Variants in THRB observed in about 807,000 individuals in gnomAD.
THRB encodes the protein thyroid hormone receptor beta, also known as nuclear receptor subfamily 1 group A member 2.
Under a neutral mutation model 47.8 loss-of-function variants are expected in THRB, and 12 were observed. That is an observed-to-expected ratio of 0.25 (90% CI 0.16 to 0.41). THRB has a LOEUF of 0.41. Among genes scored for constraint, THRB ranks in the 10% least tolerant of loss-of-function variants. The probability of loss-of-function intolerance (pLI) is 1.00; values close to 1 mark genes in which losing one functional copy is unlikely to be tolerated. For missense variants in THRB, 348 were observed against 589.2 expected, an observed-to-expected ratio of 0.59 and a Z score of 4.24; for synonymous variants, 218 against 212.2, an observed-to-expected ratio of 1.03 and a Z score of -0.24.
intron 4 of THRB, among the ~76,000 whole-genome samples, chr3:24,197,369 T>C (rs567676953): frequency 2.2e-4 from 34 of 152,338 alleles, no homozygotes; most frequent in African/African-American, 7.2e-4. Flanking sequence ...AGGTTCAAAT[T>C]CTGACTCTGC....
At chr3:24,461,635 T>G (rs1341212461) in intron 1 of THRB, among the ~76,000 whole-genome samples, 4 of 152,210 alleles carry the variant, frequency 2.6e-5, no homozygotes, top group African/African-American at 9.7e-5. Flanking sequence ...CTGATTTTAT[T>G]TGCATTAACT....
At chr3:24,458,409 T>C (rs1027019697) in intron 1 of THRB, 1 of 152,118 alleles carries the variant, frequency 6.6e-6, no homozygotes, top group Non-Finnish European at 1.5e-5. Context: ...TGGTCTGTAG[T>C]TTACATTCAG....
intron 5 of THRB, among the ~76,000 whole-genome samples, chr3:24,185,691 C>CTGAT (rs1281246932): frequency 1.3e-5 from 2 of 152,134 alleles, no homozygotes; most frequent in African/African-American, 2.4e-5. Flanking sequence ...AGGGAGGTCC[C>CTGAT]TGATTGACAT....
At chr3:24,360,805 A>G (rs1018562923) in intron 1 of THRB, among the ~76,000 whole-genome samples, 1 of 152,208 alleles carries the variant, frequency 6.6e-6, no homozygotes, top group African/African-American at 2.4e-5. Context: ...TATATTTTAT[A>G]TATCAGCTCT....
intron 1 of THRB, among the ~76,000 whole-genome samples, chr3:24,369,471 T>C (rs1003061478): frequency 1.3e-5 from 2 of 152,188 alleles, no homozygotes; most frequent in Non-Finnish European, 2.9e-5. Flanking sequence ...CAAGGAATTC[T>C]ACATTTTGGG....
chr3:24,442,905 G>A (rs1560198038), intron 1 of THRB, among the ~76,000 whole-genome samples: 1 of 151,330 alleles, frequency 6.6e-6, no homozygotes, highest in Non-Finnish European at 1.5e-5. Flanking sequence ...GTAAGGTGCT[G>A]GGCACGGTGG....
intron 1 of THRB, among the ~76,000 whole-genome samples, chr3:24,444,123 T>A (rs1488747436): frequency 6.6e-6 from 1 of 152,130 alleles, no homozygotes; most frequent in African/African-American, 2.4e-5. Flanking sequence ...GCTGTTAAAA[T>A]CAGAAACAAG....
intron 1 of THRB, among the ~76,000 whole-genome samples, chr3:24,441,065 T>G (rs1577587646): frequency 6.6e-6 from 1 of 152,278 alleles, no homozygotes; most frequent in East Asian, 1.9e-4. Context: ...GGAGTTCAGT[T>G]CTTTGCAATT....
chr3:24,195,248 T>A (rs2149663567), intron 4 of THRB, among the ~76,000 whole-genome samples: 1 of 152,312 alleles, frequency 6.6e-6, no homozygotes, highest in East Asian at 1.9e-4. Context: ...AGACACTTTA[T>A]CTTCACAAAC....
intron 5 of THRB, among the ~76,000 whole-genome samples, chr3:24,189,502 A>C (rs2149584423): frequency 6.7e-6 from 1 of 148,564 alleles, no homozygotes; most frequent in Non-Finnish European, 1.5e-5. Context: ...TGCAATCAGG[A>C]ACTTAGGCCA....
chr3:24,374,028 GGCT>G (rs1560046810), intron 1 of THRB, among the ~76,000 whole-genome samples: 3 of 151,986 alleles, frequency 2.0e-5, no homozygotes, highest in African/African-American at 7.2e-5. Flanking sequence ...TGATTCTGGG[GGCT>G]GCCCAATTCA....
rs1314384035 is a variant in THRB, at chr3:24,448,385, AC to A, written c.-261+46266del. 3.9e-5 allele frequency among the ~76,000 whole-genome samples: 6 copies of A among 152,366 alleles called. No individual in the cohort carries two copies. The East Asian group carries it at 1.2e-3, about 29-fold the overall frequency. ...GCTCAACTCTGAGAAAAGTAATGAT[AC>A]CAAAAGAGGTTAACCAGAATGAAAT... On this transcript the variant is annotated intron_variant, in intron 1 of 10. Coordinates refer to ENST00000646209, the MANE Select transcript of THRB (RefSeq NM_001354712.2).
chr3:24,174,192 T>G (rs1053736928), intron 5 of THRB, among the ~76,000 whole-genome samples: 2 of 152,098 alleles, frequency 1.3e-5, no homozygotes, highest in Non-Finnish European at 2.9e-5. Flanking sequence ...ATTTTTTTAA[T>G]AGATGAAAAA....
At position 24,428,909 on chromosome 3, in the gene THRB, C is replaced by T. The variant is rs1054051271; in HGVS notation, c.-261+65743G>A. 6.7e-6 allele frequency among the ~76,000 whole-genome samples: 1 copy of T among 148,590 alleles called. No individual in the cohort carries two copies. The highest frequency in any genetic ancestry group is 1.5e-5 in the Non-Finnish European group (1 of 67,330). On this transcript the variant is annotated intron_variant, in intron 1 of 10. Coordinates refer to ENST00000646209, the MANE Select transcript of THRB (RefSeq NM_001354712.2). ...AGCCAAAAAAAAAAAAAAGTAAGCA[C>T]ATATATATGTTTAAGTCTCTAGGCT... is the stretch of plus-strand genomic sequence containing the variant.
At chr3:24,260,344 C>A (rs1463242321) in intron 3 of THRB, among the ~76,000 whole-genome samples, 1 of 152,168 alleles carries the variant, frequency 6.6e-6, no homozygotes, top group Admixed American at 6.5e-5. Flanking sequence ...AGCCCCAAGA[C>A]TGTAGACATG....
chr3:24,188,878 T>C lies in THRB; in HGVS notation c.283+1196A>G, dbSNP rs180936305. On this transcript the variant is annotated intron_variant, in intron 5 of 10. Transcript: ENST00000646209. ...CCTCAAATATATATATATATATATATATATATGAGAGAAAGAGAGTCCAAA... is the reference window on the plus strand; with the variant it reads ...CCTCAAATATATATATATATATATACATATATGAGAGAAAGAGAGTCCAAA... Among the ~76,000 whole-genome samples the C allele has an allele frequency of 8.4e-5, 12 of 142,382 alleles. 1 individual carries two copies. The East Asian group carries it at 2.4e-3, about 29-fold the overall frequency. 93.4% of individuals were successfully genotyped at this position (142,382 alleles called of 152,430 possible).
intron 1 of THRB, among the ~76,000 whole-genome samples, chr3:24,419,947 T>C (rs985855368): frequency 1.3e-5 from 2 of 151,874 alleles, no homozygotes; most frequent in African/African-American, 4.8e-5. Flanking sequence ...ATAAGAGCAC[T>C]GAAGGCCCTG....
At chr3:24,128,347 A>G (rs1349608199) in intron 9 of THRB, among the ~76,000 whole-genome samples, 1 of 152,120 alleles carries the variant, frequency 6.6e-6, no homozygotes, top group Non-Finnish European at 1.5e-5. Context: ...CAGAGGGGAG[A>G]GCAGAATTCA....
chr3:24,302,556 T>C (rs922960099), intron 2 of THRB, among the ~76,000 whole-genome samples: 1 of 152,222 alleles, frequency 6.6e-6, no homozygotes, highest in Non-Finnish European at 1.5e-5. Flanking sequence ...AATGTGCTTG[T>C]CACAGTTGTC....
Sources: gnomAD v4.1 joint callset for allele counts (sites outside exome capture counted in the v4.1 genomes callset) on GRCh38, gnomAD v4.1.1 for gene constraint, MANE v1.5 for transcripts, NCBI Gene and HGNC (gene_info 2026-07-23, HGNC 2026-07-21) for gene names.